The following CFAP20DC variants were observed in gnomAD, a reference collection of about 807,000 sequenced individuals.
The protein encoded by CFAP20DC is protein CFAP20DC.
Under a neutral mutation model 101.7 loss-of-function variants are expected in CFAP20DC, and 84 were observed. The ratio of observed to expected loss-of-function variants is 0.83; its 90% CI spans 0.69 to 0.99. The LOEUF is 0.99. Ranked by LOEUF, CFAP20DC falls within the 50% of genes least tolerant of loss-of-function variation. CFAP20DC has a pLI of 0.00. For missense variants in CFAP20DC, 1,007 were observed against 970.3 expected (o/e 1.04, Z -0.50); for synonymous variants, 359 against 351.2 (o/e 1.02, Z -0.25).
rs1431986493 is a variant in CFAP20DC, at chr3:58,861,474, A to G, written c.1593+2084T>C. 1.1e-6 allele frequency: 1 copy of G among 913,322 alleles called. No homozygotes were observed. Among genetic ancestry groups the G allele is most frequent in the Non-Finnish European group, 1.3e-6 (1 of 764,376 alleles). 56.6% of individuals were successfully genotyped at this position (913,322 alleles called of 1,614,324 possible). A position where few individuals can be genotyped will look rare whatever the true frequency, so the allele number is the denominator to read the frequency against. ...TTGTAAATATGTAGCCTAATTTCCC[A>G]TTGATTTATACAATTAATAAATAGA... On this transcript the variant is annotated intron_variant, in intron 12 of 16. Coordinates refer to ENST00000482387, the MANE Select transcript of CFAP20DC (RefSeq NM_001394063.1). This position sits in a 1 kb window ranked among gnomAD's most constrained non-coding sequence, Gnocchi z 4.0.
At chr3:58,783,285 T>C (rs1450925900) in intron 15 of CFAP20DC, among the ~76,000 whole-genome samples, 2 of 151,942 alleles carry the variant, frequency 1.3e-5, no homozygotes, top group Admixed American at 6.6e-5. Flanking sequence ...CAACTCAAGA[T>C]GGATTCAAGA....
At chr3:58,911,061 TA>T (rs1171535367) in intron 6 of CFAP20DC, among the ~76,000 whole-genome samples, 2 of 152,064 alleles carry the variant, frequency 1.3e-5, no homozygotes, top group Non-Finnish European at 2.9e-5. Flanking sequence ...ATGGAAACTA[TA>T]AAAAAGAACC....
intron 12 of CFAP20DC, among the ~76,000 whole-genome samples, chr3:58,857,552 T>C (rs747005633): frequency 6.6e-6 from 1 of 152,222 alleles, no homozygotes; most frequent in Non-Finnish European, 1.5e-5. Context: ...TCCACAGTAA[T>C]ACATTTCCAT....
intron 15 of CFAP20DC, among the ~76,000 whole-genome samples, chr3:58,775,753 T>C (rs540194438): frequency 6.6e-6 from 1 of 151,540 alleles, no homozygotes; most frequent in Admixed American, 6.6e-5. Flanking sequence ...GTCTTTTTTT[T>C]TTTTTTTTTG....
At chr3:58,716,535 C>T (rs886551284), downstream of CFAP20DC, among the ~76,000 whole-genome samples, 2 of 152,114 alleles carry the variant, frequency 1.3e-5, no homozygotes, top group African/African-American at 4.8e-5. Flanking sequence ...GTGGCCTGTT[C>T]AAGTATTCAG....
In CFAP20DC at chr3:58,799,467, G is replaced by A. The variant is rs1297785026; in HGVS notation, c.2237+6928C>T. 2.6e-5 allele frequency among the ~76,000 whole-genome samples: 4 copies of A among 152,154 alleles called. No individual in the cohort carries two copies. Among genetic ancestry groups the A allele is most frequent in the Non-Finnish European group, 4.4e-5 (3 of 68,026 alleles). On this transcript the variant is annotated intron_variant, in intron 15 of 16. Transcript: ENST00000482387. The surrounding 1 kb of genome is among the most constrained non-coding windows in gnomAD (Gnocchi z 4.9). ...GGTAGAGAAGTATACAGGTGCTCAT[G>A]GGCTCCAGCTAGTGGAATACACAGT...
Position 58,937,733 on chromosome 3 carries a change from C to G in CFAP20DC, c.308G>C (p.Arg103Thr). The change falls in exon 5 of 17, where the codon AGA (arginine) becomes ACA (threonine). Residue 103 changes from arginine (R) to threonine (T), a missense_variant. Transcript: ENST00000482387. ...LITDLGNIKRRLYLSTVHKEL... is the reference protein window; with the variant it reads ...LITDLGNIKRTLYLSTVHKEL... ...CTTATGGACCGTTGATAAATATAAT[C>G]TTCTTTTGATGTTCCCTAAATCAGT... is the stretch of plus-strand genomic sequence containing the variant. 3 of 1,608,792 alleles carry G rather than the reference C, an allele frequency of 1.9e-6. No individual in the cohort carries two copies. Among genetic ancestry groups the G allele is most frequent in the Non-Finnish European group, 2.6e-6 (3 of 1,175,482 alleles).
At chr3:58,725,392 T>C (rs936666250) in intron 3 of CFAP20DC, among the ~76,000 whole-genome samples, 1 of 152,160 alleles carries the variant, frequency 6.6e-6, no homozygotes, top group Non-Finnish European at 1.5e-5. Context: ...GGTTTGGTTT[T>C]TCCCAGCACC....
rs1056797314 is a variant in CFAP20DC at position 58,724,412 on chromosome 3, C to T, written c.198-6784G>A. Reference sequence around the variant, plus strand: ...AGCCCTCATGTTCCCATGCTTAGAGCGAGACCCTCTCTCTTATCTGTAAAC... The same window carrying T: ...AGCCCTCATGTTCCCATGCTTAGAGTGAGACCCTCTCTCTTATCTGTAAAC... On this transcript the variant is annotated intron_variant, in intron 3 of 3. Coordinates refer to the CFAP20DC transcript ENST00000486145. The surrounding 1 kb of genome is among the most constrained non-coding windows in gnomAD (Gnocchi z 5.6). Among the ~76,000 whole-genome samples the T allele has an allele frequency of 6.6e-6, 1 of 152,034 alleles. No homozygotes were observed. The highest frequency in any genetic ancestry group is 1.5e-5 in the Non-Finnish European group (1 of 68,004).
At chr3:58,740,797 T>C (rs1171657705), downstream of CFAP20DC, among the ~76,000 whole-genome samples, 1 of 152,186 alleles carries the variant, frequency 6.6e-6, no homozygotes, top group Non-Finnish European at 1.5e-5. This position sits in a 1 kb window ranked among gnomAD's most constrained non-coding sequence, Gnocchi z 4.6. Context: ...TTATATATGG[T>C]CCTGAGACTA....
chr3:58,884,538 T>C lies in CFAP20DC; in HGVS notation c.715+7A>G, dbSNP rs1429428384. ...TACACTTATAATTTAGGTGCCTGAG[T>C]GTCTACCTGATTCTGCTGATCTTAG... On this transcript the variant is annotated splice_region_variant and intron_variant, in intron 7 of 16. Coordinates refer to ENST00000482387, the MANE Select transcript of CFAP20DC (RefSeq NM_001394063.1). 2 of 1,613,334 alleles carry C rather than the reference T, an allele frequency of 1.2e-6. No homozygotes were observed. Among genetic ancestry groups the C allele is most frequent in the East Asian group, 2.2e-5 (1 of 44,880 alleles).
intron 4 of CFAP20DC, among the ~76,000 whole-genome samples, chr3:58,950,971 G>T (rs1445479041): frequency 6.6e-6 from 1 of 152,040 alleles, no homozygotes; most frequent in Non-Finnish European, 1.5e-5. Flanking sequence ...GAGTGAACAG[G>T]CAACCTACAA....
At chr3:58,809,702 C>T (rs2074436486) in intron 14 of CFAP20DC, among the ~76,000 whole-genome samples, 1 of 152,090 alleles carries the variant, frequency 6.6e-6, no homozygotes, top group African/African-American at 2.4e-5. Context: ...TAACTAAAAT[C>T]AGAGCAGGAC....
chr3:58,994,343 G>A (rs2093041495), intron 4 of CFAP20DC, among the ~76,000 whole-genome samples: 1 of 152,148 alleles, frequency 6.6e-6, no homozygotes, highest in Non-Finnish European at 1.5e-5. Context: ...GATGGCTAAG[G>A]CTGGAAGTAT....
At chr3:59,048,212 C>T (rs1009725453) in intron 1 of CFAP20DC, among the ~76,000 whole-genome samples, 9 of 152,234 alleles carry the variant, frequency 5.9e-5, no homozygotes, top group Admixed American at 5.9e-4. Context: ...GGATTAAATA[C>T]GGTTTGAATT....
chr3:58,773,584 A>G (rs2071055023), intron 15 of CFAP20DC, among the ~76,000 whole-genome samples: 1 of 152,024 alleles, frequency 6.6e-6, no homozygotes, highest in African/African-American at 2.4e-5. Flanking sequence ...AAAAAAGTAA[A>G]CGCCAATGAT....
At position 58,795,002 on chromosome 3, in the gene CFAP20DC, A is replaced by G. The variant is rs2073134089; in HGVS notation, c.2237+11393T>C. 6.6e-6 allele frequency among the ~76,000 whole-genome samples: 1 copy of G among 152,220 alleles called. No individual in the cohort carries two copies. Among genetic ancestry groups the G allele is most frequent in the Non-Finnish European group, 1.5e-5 (1 of 68,040 alleles). On this transcript the variant is annotated intron_variant, in intron 15 of 16. Coordinates refer to ENST00000482387, the MANE Select transcript of CFAP20DC (RefSeq NM_001394063.1). This position sits in a 1 kb window ranked among gnomAD's most constrained non-coding sequence, Gnocchi z 4.2. ...TCTACGGATGTGACTGGCTGTAGCCATTTAACAATAATTACGGTCTTCCAT... is the reference window on the plus strand; with the variant it reads ...TCTACGGATGTGACTGGCTGTAGCCGTTTAACAATAATTACGGTCTTCCAT...
At chr3:58,884,491 T>A in intron 7 of CFAP20DC, 54 bp downstream of exon 7, 1 of 1,542,834 alleles carries the variant, frequency 6.5e-7, no homozygotes, top group Non-Finnish European at 8.9e-7. Flanking sequence ...AGTCACACTT[T>A]ATGGGAGAGA....
intron 3 of CFAP20DC, among the ~76,000 whole-genome samples, chr3:59,041,762 A>G (rs1699408748): frequency 6.6e-6 from 1 of 152,132 alleles, no homozygotes; most frequent in Non-Finnish European, 1.5e-5. Context: ...TTATCTGTTC[A>G]TCATGGGCTA....
Sources: allele counts gnomAD v4.1 joint callset (sites outside exome capture counted in the v4.1 genomes callset), GRCh38; gene constraint gnomAD v4.1.1; non-coding constraint Gnocchi (gnomAD v3.1); transcripts MANE v1.5; gene names NCBI Gene and HGNC (gene_info 2026-07-23, HGNC 2026-07-21).